The following ADAM32 variants were observed in gnomAD, a reference collection of about 807,000 sequenced individuals.
The protein encoded by ADAM32 is disintegrin and metalloproteinase domain-containing protein 32.
In ADAM32, 89 loss-of-function variants were observed where a neutral mutation model predicts 114.9. The ratio of observed to expected loss-of-function variants is 0.77; its 90% CI spans 0.65 to 0.92. The LOEUF (loss-of-function observed/expected upper bound fraction) is 0.92. Ranked by LOEUF, ADAM32 falls within the 40% of genes least tolerant of loss-of-function variation. The probability of loss-of-function intolerance (pLI) is 0.00; values close to 1 mark genes in which losing one functional copy is unlikely to be tolerated. For missense variants in ADAM32, 870 were observed against 932.8 expected, an observed-to-expected ratio of 0.93 and a Z score of 0.88; for synonymous variants, 285 against 307.5, an observed-to-expected ratio of 0.93 and a Z score of 0.77.
intron 7 of ADAM32, among the ~76,000 whole-genome samples, chr8:39,163,074 C>T (rs759412483): frequency 7.2e-5 from 11 of 152,100 alleles, no homozygotes; most frequent in Admixed American, 3.9e-4. Flanking sequence ...TTTGTAAATC[C>T]GTAATTATGG....
At chr8:39,273,763 G>A (rs2129451448) in intron 20 of ADAM32, among the ~76,000 whole-genome samples, 1 of 151,190 alleles carries the variant, frequency 6.6e-6, no homozygotes, top group South Asian at 2.1e-4. Context: ...GTCTTTCCTT[G>A]CTGTGAGCTT....
At chr8:39,127,192 T>G (rs941373576) in intron 2 of ADAM32, among the ~76,000 whole-genome samples, 3 of 152,218 alleles carry the variant, frequency 2.0e-5, no homozygotes, top group African/African-American at 7.2e-5. Context: ...ATAAAATGAG[T>G]TAGGGAGGAG....
chr8:39,131,504 A>C (rs1802453765), intron 2 of ADAM32, among the ~76,000 whole-genome samples: 1 of 152,046 alleles, frequency 6.6e-6, no homozygotes, highest in African/African-American at 2.4e-5. Flanking sequence ...TCATTCAAAG[A>C]TTTTTTTGTG....
chr8:39,145,399 A>G (rs1421069737), intron 3 of ADAM32, among the ~76,000 whole-genome samples: 1 of 152,222 alleles, frequency 6.6e-6, no homozygotes, highest in Non-Finnish European at 1.5e-5. Context: ...TATATTGCAA[A>G]GCTATAATAC....
At chr8:39,227,023 GA>G (rs1408251665) in intron 14 of ADAM32, among the ~76,000 whole-genome samples, 1 of 152,198 alleles carries the variant, frequency 6.6e-6, no homozygotes, top group Admixed American at 6.5e-5. Context: ...GGCAGGACTA[GA>G]TTACAGCTCC....
intron 14 of ADAM32, among the ~76,000 whole-genome samples, chr8:39,226,975 A>C (rs1225354366): frequency 6.6e-6 from 1 of 152,196 alleles, no homozygotes; most frequent in African/African-American, 2.4e-5. Context: ...GCAACATAAA[A>C]ACTTATAAAT....
At chr8:39,260,712 C>G (rs1396665696) in intron 19 of ADAM32, among the ~76,000 whole-genome samples, 2 of 151,904 alleles carry the variant, frequency 1.3e-5, no homozygotes, top group African/African-American at 4.8e-5. Flanking sequence ...CTATTATTTT[C>G]TTTTGTAATG....
chr8:39,244,264 C>A (rs1484477709), intron 16 of ADAM32, among the ~76,000 whole-genome samples: 1 of 152,162 alleles, frequency 6.6e-6, no homozygotes, highest in Non-Finnish European at 1.5e-5. Flanking sequence ...CTGGAAAAAA[C>A]GATCCTAAAA....
At chr8:39,203,469 T>C (rs1242733768) in intron 11 of ADAM32, among the ~76,000 whole-genome samples, 1 of 152,160 alleles carries the variant, frequency 6.6e-6, no homozygotes, top group South Asian at 2.1e-4. Context: ...CCTTTTTTTG[T>C]TTTCCATTTG....
intron 22 of ADAM32, among the ~76,000 whole-genome samples, chr8:39,276,489 T>A (rs1813078473): frequency 6.6e-6 from 1 of 152,222 alleles, no homozygotes; most frequent in Non-Finnish European, 1.5e-5. Flanking sequence ...AAGTTTTTAC[T>A]GCTCCCTCTC....
intron 12 of ADAM32, among the ~76,000 whole-genome samples, chr8:39,215,623 T>C (rs939650599): frequency 2.0e-5 from 3 of 152,066 alleles, no homozygotes; most frequent in African/African-American, 4.8e-5. Flanking sequence ...TTAAATTTCC[T>C]TGTTAATCTC....
chr8:39,136,398 C>T (rs753087304), intron 2 of ADAM32, among the ~76,000 whole-genome samples: 1 of 152,142 alleles, frequency 6.6e-6, no homozygotes, highest in Non-Finnish European at 1.5e-5. Context: ...TAAGAGGTTA[C>T]AGGTTAGTTA....
intron 2 of ADAM32, chr8:39,130,871 G>A (rs999244934): frequency 4.4e-6 from 2 of 456,586 alleles, no homozygotes; most frequent in Non-Finnish European, 8.8e-6. Flanking sequence ...TGTTGGGTTA[G>A]TAGTCAGTTA....
chr8:39,149,721 A>C, intron 4 of ADAM32, 70 bp from the exon 5 acceptor site: 2 of 1,093,470 alleles, frequency 1.8e-6, no homozygotes, highest in Non-Finnish European at 1.4e-6. Context: ...TCTATCAAGT[A>C]TAGAAGTAGG....
At chr8:39,254,585 G>A in intron 18 of ADAM32, 69 bp downstream of exon 18, 1 of 1,277,312 alleles carries the variant, frequency 7.8e-7, no homozygotes. Flanking sequence ...CTAAAACAAA[G>A]TTCGATTTTT....
rs759283557 is a variant in ADAM32, at chr8:39,151,394, A to G, written c.371A>G (p.Glu124Gly). 2 of 1,589,830 alleles carry G rather than the reference A, an allele frequency of 1.3e-6. No homozygotes were observed. The highest frequency in any genetic ancestry group is 3.7e-5 in the Admixed American group (2 of 54,714). The change falls in exon 6 of 25, where the codon GAA becomes GGA. Residue 124 changes from glutamate to glycine, a missense_variant. Transcript: ENST00000379907. Reference sequence around the variant, plus strand: ...TTTCACAGAGGAATACTGCAATTTGAAAATGTTTCTTATGGAATTGAGCCT... The same window carrying G: ...TTTCACAGAGGAATACTGCAATTTGGAAATGTTTCTTATGGAATTGAGCCT... ...CSGLRGILQF[E>G]NVSYGIEPLE...
intron 10 of ADAM32, among the ~76,000 whole-genome samples, chr8:39,180,332 G>A (rs1000089788): frequency 6.6e-6 from 1 of 152,194 alleles, no homozygotes; most frequent in African/African-American, 2.4e-5. Context: ...ATTTCTCGCC[G>A]GGCCTTAGCT....
intron 10 of ADAM32, among the ~76,000 whole-genome samples, chr8:39,176,913 T>C (rs1317701503): frequency 6.6e-6 from 1 of 152,222 alleles, no homozygotes; most frequent in African/African-American, 2.4e-5. Context: ...GCTCTTCTTA[T>C]TGAATTGAAC....
chr8:39,276,530 G>A (rs917158535), intron 22 of ADAM32, among the ~76,000 whole-genome samples: 1 of 152,054 alleles, frequency 6.6e-6, no homozygotes, highest in Non-Finnish European at 1.5e-5. Flanking sequence ...CATTTATAGG[G>A]GGCTAGTGTT....
Sources: allele counts gnomAD v4.1 joint callset (sites outside exome capture counted in the v4.1 genomes callset), GRCh38; gene constraint gnomAD v4.1.1; transcripts MANE v1.5; gene names NCBI Gene and HGNC (gene_info 2026-07-23, HGNC 2026-07-21).